Variants in NRG1 observed in about 807,000 individuals in gnomAD.
NRG1 encodes neuregulin 1, also known as pro-neuregulin-1, membrane-bound isoform.
In NRG1, 18 loss-of-function variants were observed where a neutral mutation model predicts 63.8. The observed-to-expected ratio is 0.28, with a 90% CI of 0.19 to 0.42. The LOEUF is 0.42. Among genes scored for constraint, NRG1 ranks in the 10% least tolerant of loss-of-function variants. The pLI, the probability that NRG1 is intolerant of heterozygous loss-of-function variation, is 1.00. For synonymous variants in NRG1, 302 were observed against 301.3 expected, an observed-to-expected ratio of 1.00 and a Z score of -0.02; for missense variants, 762 against 814.7, an observed-to-expected ratio of 0.94 and a Z score of 0.79.
intron 1 of NRG1, among the ~76,000 whole-genome samples, chr8:32,241,843 C>T (rs143255215): frequency 3.2e-3 from 487 of 151,826 alleles, no homozygotes; most frequent in South Asian, 0.024. Flanking sequence ...ACTGTAGCCT[C>T]GAACTCCTGG....
chr8:31,663,994 C>T lies in NRG1; in HGVS notation c.37+24563C>T, dbSNP rs867143736. 3.3e-5 allele frequency among the ~76,000 whole-genome samples: 5 copies of T among 151,638 alleles called. No homozygotes were observed. The South Asian group carries it at 6.3e-4, about 19-fold the overall frequency. ...CTTCTTTTCTTTTTTTTTAGGGGGG[C>T]GGTTTTCTTATAGAATAATTACTGG... On this transcript the variant is annotated intron_variant, in intron 1 of 10. Coordinates refer to the NRG1 transcript ENST00000519301.
At chr8:31,778,987 C>T (rs1290361756) in intron 1 of NRG1, among the ~76,000 whole-genome samples, 4 of 152,220 alleles carry the variant, frequency 2.6e-5, no homozygotes, top group Non-Finnish European at 1.5e-5. Flanking sequence ...ATTTCCTTAA[C>T]TTCAGATGCT....
At chr8:32,156,624 G>T (rs1020828381) in intron 1 of NRG1, among the ~76,000 whole-genome samples, 1 of 152,192 alleles carries the variant, frequency 6.6e-6, no homozygotes, top group African/African-American at 2.4e-5. Flanking sequence ...CATATATGTG[G>T]TTGGAACCAT....
intron 1 of NRG1, among the ~76,000 whole-genome samples, chr8:31,780,550 A>G (rs1371818202): frequency 6.6e-6 from 1 of 152,196 alleles, no homozygotes; most frequent in Admixed American, 6.5e-5. Context: ...TAAAAATTAA[A>G]TTTTTAAAAA....
At chr8:32,412,423 C>CATATATATATATATAT (rs1178545836) in intron 1 of NRG1, among the ~76,000 whole-genome samples, 1 of 93,020 alleles carries the variant, frequency 1.1e-5, no homozygotes, top group African/African-American at 4.1e-5. Flanking sequence ...TCTCTCTCTA[C>CATATATATATATATAT]ATATATATAT....
intron 1 of NRG1, among the ~76,000 whole-genome samples, chr8:32,337,924 G>A (rs1254403235): frequency 6.6e-6 from 1 of 152,114 alleles, no homozygotes; most frequent in East Asian, 1.9e-4. Context: ...TTATTGTTGA[G>A]ACCAAATTTA....
intron 1 of NRG1, chr8:31,639,620 C>A (rs2130817393): frequency 7.1e-7 from 1 of 1,409,078 alleles, no homozygotes; most frequent in Non-Finnish European, 9.3e-7. Flanking sequence ...CCTCCACCTC[C>A]ACGTCCTCCT....
At chr8:32,419,672 A>G (rs952855551) in intron 1 of NRG1, among the ~76,000 whole-genome samples, 19 of 152,210 alleles carry the variant, frequency 1.2e-4, no homozygotes, top group African/African-American at 4.1e-4. Context: ...TTTAATTCTC[A>G]TACATGTCAC....
At chr8:32,494,823 T>C (rs1827003942) in intron 1 of NRG1, among the ~76,000 whole-genome samples, 1 of 150,448 alleles carries the variant, frequency 6.6e-6, no homozygotes. Flanking sequence ...AGCCTCATTG[T>C]CCTTGGTAGT....
At chr8:32,382,504 G>T (rs1810478502) in intron 1 of NRG1, among the ~76,000 whole-genome samples, 1 of 152,134 alleles carries the variant, frequency 6.6e-6, no homozygotes, top group Non-Finnish European at 1.5e-5. Context: ...AATTACCTGT[G>T]CAAACTCTCA....
rs545838945 is a variant in NRG1, at chr8:32,559,245, T to TAAAAAAAAAAAAAAAAAAAAAAAAA, written c.100+10437_100+10438insAAAAAAAAAAAAAAAAAAAAAAAAA. 8.3e-5 allele frequency among the ~76,000 whole-genome samples: 8 copies of TAAAAAAAAAAAAAAAAAAAAAAAAA among 96,758 alleles called. 1 individual carries two copies. Among genetic ancestry groups the TAAAAAAAAAAAAAAAAAAAAAAAAA allele is most frequent in the South Asian group, 9.6e-4 (2 of 2,094 alleles). The allele number at this position is 96,758 out of a possible 152,430, so 63.5% of individuals were successfully genotyped here. On this transcript the variant is annotated intron_variant, in intron 1 of 11. Coordinates refer to ENST00000356819, the Ensembl canonical transcript of NRG1. ...TAGTATGTCATCTCACTCTAAAATG[T>TAAAAAAAAAAAAAAAAAAAAAAAAA]AAAAAAAAAAAAAAAAAATCACTAC...
chr8:31,851,423 A>G (rs188593107), intron 1 of NRG1, among the ~76,000 whole-genome samples: 17 of 152,296 alleles, frequency 1.1e-4, no homozygotes, highest in African/African-American at 3.6e-4. Flanking sequence ...GTCCTGAAAT[A>G]TCTAAAATGT....
chr8:31,916,213 T>C (rs937406730), intron 1 of NRG1, among the ~76,000 whole-genome samples: 1 of 151,928 alleles, frequency 6.6e-6, no homozygotes, highest in Non-Finnish European at 1.5e-5. Flanking sequence ...TTCATTTTCT[T>C]TTTTTTTATT....
At chr8:32,389,701 C>T (rs1222348683) in intron 1 of NRG1, among the ~76,000 whole-genome samples, 1 of 152,044 alleles carries the variant, frequency 6.6e-6, no homozygotes, top group Non-Finnish European at 1.5e-5. Context: ...GATATTGCTT[C>T]CAATGTTGTA....
chr8:31,841,096 G>A (rs796154573), intron 1 of NRG1, among the ~76,000 whole-genome samples: 8 of 152,146 alleles, frequency 5.3e-5, no homozygotes, highest in African/African-American at 1.7e-4. Context: ...AAGTTTTAAA[G>A]TTACTATACT....
intron 1 of NRG1, among the ~76,000 whole-genome samples, chr8:31,890,618 A>T (rs1201180548): frequency 6.6e-6 from 1 of 152,208 alleles, no homozygotes; most frequent in African/African-American, 2.4e-5. Context: ...TAATGTTGAG[A>T]ACAATGAATT....
intron 1 of NRG1, among the ~76,000 whole-genome samples, chr8:31,761,668 A>G (rs144569823): frequency 8.4e-4 from 128 of 152,252 alleles, no homozygotes; most frequent in Middle Eastern, 6.8e-3. Flanking sequence ...TAAGTTGACC[A>G]TCTTGCGTGG....
upstream of NRG1, among the ~76,000 whole-genome samples, chr8:32,544,014 C>T (rs1315353934): frequency 6.6e-6 from 1 of 152,150 alleles, no homozygotes; most frequent in Non-Finnish European, 1.5e-5. Context: ...TTTCCTCCCT[C>T]ATAGGATGGT....
chr8:32,555,994 A>G (rs1267803591), intron 1 of NRG1, among the ~76,000 whole-genome samples: 4 of 152,162 alleles, frequency 2.6e-5, no homozygotes, highest in Non-Finnish European at 5.9e-5. Flanking sequence ...CTTTCATTCC[A>G]CAGCTTTGAT....
Sources: allele counts gnomAD v4.1 joint callset (sites outside exome capture counted in the v4.1 genomes callset), GRCh38; gene constraint gnomAD v4.1.1; transcripts MANE v1.5; gene names NCBI Gene and HGNC (gene_info 2026-07-23, HGNC 2026-07-21).